The following LYST variants were observed in gnomAD, a reference collection of about 807,000 sequenced individuals.
The protein encoded by LYST is lysosomal trafficking regulator, also known as lysosomal-trafficking regulator.
LYST carries 192 observed loss-of-function variants against 413.6 expected under a neutral mutation model. The ratio of observed to expected loss-of-function variants is 0.46; its 90% CI spans 0.41 to 0.52. The LOEUF is 0.52. LYST is among the 20% of genes least tolerant of loss of function. The pLI is 0.00. For synonymous variants in LYST, 1,525 were observed against 1,567.3 expected, an observed-to-expected ratio of 0.97 and a Z score of 0.64; for missense variants, 3,815 against 4,499.9, an observed-to-expected ratio of 0.85 and a Z score of 4.35.
Position 235,791,894 on chromosome 1 carries a change from A to G in LYST, c.4348T>C (p.Ser1450Pro). ...AGGTGGACTGGGGCTATGTGCCAAG[A>G]TGAAAGCAGCCGATGGGGAAAACTC... is the stretch of plus-strand genomic sequence containing the variant. Reference protein sequence around the residue: ...RESFPHRLLSSWHIAPVHLPL... With the variant: ...RESFPHRLLSPWHIAPVHLPL... Residue 1450 changes from serine (S) to proline (P), a missense_variant, in exon 12 of 53, where the codon TCT (serine) becomes CCT (proline). Physicochemically the swap from Ser to Pro is moderately conservative, Grantham distance 74. Coordinates refer to ENST00000389793, the MANE Select transcript of LYST (RefSeq NM_000081.4). 6.2e-7 allele frequency: 1 copy of G among 1,614,188 alleles called. No homozygotes were observed.
chr1:235,819,909 G>A (rs1393870858), intron 3 of LYST, among the ~76,000 whole-genome samples: 1 of 152,178 alleles, frequency 6.6e-6, no homozygotes, highest in Admixed American at 6.5e-5. Context: ...GCCTCCCAAA[G>A]TGCTGGGATT....
At chr1:235,772,853 C>T (rs1240201178) in intron 19 of LYST, among the ~76,000 whole-genome samples, 1 of 152,160 alleles carries the variant, frequency 6.6e-6, no homozygotes, top group Non-Finnish European at 1.5e-5. Context: ...TGCCTGACTG[C>T]AGTATTCTTA....
At chr1:235,753,631 G>A (rs909656247) in intron 25 of LYST, among the ~76,000 whole-genome samples, 1 of 152,124 alleles carries the variant, frequency 6.6e-6, no homozygotes, top group African/African-American at 2.4e-5. Flanking sequence ...CATAGTATTT[G>A]AGAGACAGTG....
intron 1 of LYST, among the ~76,000 whole-genome samples, chr1:235,875,689 A>G (rs903582724): frequency 1.3e-5 from 2 of 152,056 alleles, no homozygotes; most frequent in African/African-American, 4.8e-5. Context: ...CTACAAAAGT[A>G]AAAAATTAGC....
intron 3 of LYST, chr1:235,827,526 T>G (rs1478614211): frequency 2.0e-6 from 2 of 980,078 alleles, no homozygotes; most frequent in Non-Finnish European, 2.4e-6. Flanking sequence ...TGTCTAGTGT[T>G]ATGATTTCAT....
Position 235,804,641 on chromosome 1 carries a change from A to AAT in LYST, c.3417_3418insAT (p.Phe1140IlefsTer4). On this transcript the variant is annotated frameshift_variant, in exon 7 of 53. Transcript: ENST00000389793. LOFTEE classifies it high-confidence loss of function. ...TGGGAAAGATGGTCCCTCATTTCAA[A>AAT]TAATATACTTTCCACAGACAAGTTC... The AAT allele has an allele frequency of 6.2e-7, 1 of 1,607,544 alleles. No homozygotes were observed. Among genetic ancestry groups the AAT allele is most frequent in the Non-Finnish European group, 8.5e-7 (1 of 1,174,468 alleles).
At chr1:235,747,656 A>T (rs1666059818) in intron 28 of LYST, among the ~76,000 whole-genome samples, 1 of 152,192 alleles carries the variant, frequency 6.6e-6, no homozygotes, top group African/African-American at 2.4e-5. Context: ...TTCATGCTGT[A>T]CGTGCAGCTG....
chr1:235,841,004 G>C (rs1179097831), intron 1 of LYST, among the ~76,000 whole-genome samples: 3 of 152,190 alleles, frequency 2.0e-5, no homozygotes, highest in Non-Finnish European at 2.9e-5. Flanking sequence ...AAGAAGAACT[G>C]AGGCACGTGT....
At chr1:235,697,311 G>T in intron 45 of LYST, 39 bp from the exon 46 acceptor site, 1 of 1,448,906 alleles carries the variant, frequency 6.9e-7, no homozygotes, top group South Asian at 1.2e-5. Flanking sequence ...CTTTTTAAAA[G>T]GTGGTAAGTG....
chr1:235,840,627 C>T (rs1199279091), intron 1 of LYST, among the ~76,000 whole-genome samples: 1 of 152,088 alleles, frequency 6.6e-6, no homozygotes, highest in Non-Finnish European at 1.5e-5. Flanking sequence ...ACAGTCAGGG[C>T]TGAGACTCAC....
At chr1:235,786,556 C>T (rs1458766719) in intron 14 of LYST, among the ~76,000 whole-genome samples, 2 of 152,122 alleles carry the variant, frequency 1.3e-5, no homozygotes, top group African/African-American at 4.8e-5. Context: ...TGGGTATATA[C>T]CCAAAGGATT....
intron 1 of LYST, among the ~76,000 whole-genome samples, chr1:235,851,536 C>T (rs1490135415): frequency 6.6e-6 from 1 of 151,628 alleles, no homozygotes; most frequent in Admixed American, 6.6e-5. Flanking sequence ...ACCACCTGTA[C>T]CCCAATAACT....
At chr1:235,668,115 C>T (rs1658646899) in intron 50 of LYST, among the ~76,000 whole-genome samples, 1 of 152,072 alleles carries the variant, frequency 6.6e-6, no homozygotes, top group Non-Finnish European at 1.5e-5. Context: ...TTTTCCTCCC[C>T]AGATATTTTC....
In LYST at chr1:235,791,880, G is replaced by A. The variant is rs1168617972; in HGVS notation, c.4362C>T (p.Ala1454=). The A allele has an allele frequency of 6.2e-7, 1 of 1,614,128 alleles. No individual in the cohort carries two copies. The highest frequency in any genetic ancestry group is 8.5e-7 in the Non-Finnish European group (1 of 1,179,996). Reference sequence around the variant, plus strand: ...GCCCCAGCAACGGCAGGTGGACTGGGGCTATGTGCCAAGATGAAAGCAGCC... The same window carrying A: ...GCCCCAGCAACGGCAGGTGGACTGGAGCTATGTGCCAAGATGAAAGCAGCC... ...PHRLLSSWHI[A]PVHLPLLGQN... is the part of the protein sequence containing the mutation. The change falls in exon 12 of 53, where the codon GCC becomes GCT. Residue 1454 remains alanine (A), a synonymous_variant. Transcript: ENST00000389793.
intron 21 of LYST, among the ~76,000 whole-genome samples, chr1:235,765,294 T>C (rs1192358592): frequency 6.6e-6 from 1 of 152,226 alleles, no homozygotes; most frequent in African/African-American, 2.4e-5. Flanking sequence ...TATCCCTCCT[T>C]TCCAGTTCCA....
intron 22 of LYST, among the ~76,000 whole-genome samples, chr1:235,760,710 T>G (rs1344660810): frequency 6.6e-6 from 1 of 152,176 alleles, no homozygotes; most frequent in Admixed American, 6.5e-5. Context: ...GGTTAAAATT[T>G]GAGACCATGA....
In LYST at chr1:235,808,671, C is replaced by T. The variant is rs369676722; in HGVS notation, c.2147G>A (p.Cys716Tyr). The T allele has an allele frequency of 2.4e-5, 39 of 1,613,572 alleles. No individual in the cohort carries two copies. The African/African-American group carries it at 4.9e-4, about 20-fold the overall frequency. Residue 716 changes from cysteine to tyrosine, a missense_variant, in exon 5 of 53, where the codon TGC becomes TAC. Coordinates refer to ENST00000389793, the MANE Select transcript of LYST (RefSeq NM_000081.4). ...LHSIQIANHI[C>Y]NLIQKGNIVV... ...TATATTGCCTTTCTGGATTAAATTG[C>T]AAATGTGATTTGCAATCTGTATACT...
chr1:235,735,185 A>C (rs1664715972), intron 31 of LYST: 1 of 152,144 alleles, frequency 6.6e-6, no homozygotes, highest in African/African-American at 2.4e-5. Context: ...GGGATAAAGG[A>C]AGATAATTTT....
At chr1:235,721,096 T>G (rs1401540270) in intron 39 of LYST, among the ~76,000 whole-genome samples, 191 bp from the exon 40 acceptor site, 6 of 152,166 alleles carry the variant, frequency 3.9e-5, no homozygotes, top group African/African-American at 1.4e-4. Flanking sequence ...GGCTGGGCTC[T>G]TCACCACTAT....
Sources: allele counts gnomAD v4.1 joint callset (sites outside exome capture counted in the v4.1 genomes callset), GRCh38; gene constraint gnomAD v4.1.1; transcripts MANE v1.5; gene names NCBI Gene and HGNC (gene_info 2026-07-23, HGNC 2026-07-21).